The following PXYLP1 variants were observed in gnomAD, a reference collection of about 807,000 sequenced individuals.
PXYLP1 encodes acid phosphatase-like 2.
In PXYLP1, 17 loss-of-function variants were observed where a neutral mutation model predicts 37.9. The observed-to-expected ratio is 0.45, with a 90% CI of 0.31 to 0.67. The LOEUF (loss-of-function observed/expected upper bound fraction) is 0.67, where lower values mean the gene tolerates loss of function less well. PXYLP1 is among the 30% of genes least tolerant of loss of function. The pLI is 0.07. For missense variants in PXYLP1, 511 were observed against 612.0 expected, an observed-to-expected ratio of 0.84 and a Z score of 1.74; for synonymous variants, 221 against 232.2, an observed-to-expected ratio of 0.95 and a Z score of 0.44.
At chr3:141,252,592 G>A (rs1194192967) in intron 1 of PXYLP1, among the ~76,000 whole-genome samples, 9 of 152,176 alleles carry the variant, frequency 5.9e-5, no homozygotes, top group African/African-American at 2.2e-4. Context: ...ATTCATGCGG[G>A]AACCACTGCC....
intron 1 of PXYLP1, among the ~76,000 whole-genome samples, chr3:141,252,774 C>T (rs530230448): frequency 9.8e-5 from 15 of 152,298 alleles, no homozygotes; most frequent in African/African-American, 3.6e-4. Flanking sequence ...ATGACAGTGA[C>T]GCAGGTCAAA....
intron 1 of PXYLP1, among the ~76,000 whole-genome samples, chr3:141,243,557 C>T (rs1054904186): frequency 4.6e-5 from 7 of 152,244 alleles, no homozygotes; most frequent in African/African-American, 1.7e-4. Context: ...CACTGACATC[C>T]TCCCTGCCTT....
rs1400295458 is a variant in PXYLP1, at chr3:141,292,241, G to A, written c.506-27G>A. On this transcript the variant is annotated intron_variant, in intron 5 of 5. Coordinates refer to ENST00000286353, the MANE Select transcript of PXYLP1 (RefSeq NM_001037172.3). The surrounding 1 kb of genome is among the most constrained non-coding windows in gnomAD (Gnocchi z 4.3). ...GTTTCTTTTGCTCAGCTGGAAGTAA[G>A]GTAAGCTTTGTGTGCTTGTGTTTCA... 3 of 1,554,374 alleles carry A rather than the reference G, an allele frequency of 1.9e-6. No individual in the cohort carries two copies. Among genetic ancestry groups the A allele is most frequent in the African/African-American group, 2.7e-5 (2 of 73,112 alleles).
At chr3:141,262,273 A>T (rs565684502) in intron 2 of PXYLP1, 1 of 992,408 alleles carries the variant, frequency 1.0e-6, no homozygotes, top group Non-Finnish European at 1.2e-6. Flanking sequence ...GAAGGTGGGC[A>T]TCAGAAGTTT....
chr3:141,238,456 G>A (rs966859615), intron 1 of PXYLP1, among the ~76,000 whole-genome samples: 2 of 152,176 alleles, frequency 1.3e-5, no homozygotes, highest in Non-Finnish European at 2.9e-5. Flanking sequence ...TCTCTGCCTC[G>A]TTTGAGCGTG....
chr3:141,261,348 A>C (rs905220126), intron 2 of PXYLP1, among the ~76,000 whole-genome samples: 6 of 152,188 alleles, frequency 3.9e-5, no homozygotes, highest in African/African-American at 1.4e-4. Context: ...GCGACAGGGC[A>C]GGGTTTCACC....
intron 1 of PXYLP1, among the ~76,000 whole-genome samples, chr3:141,239,604 C>G (rs560311873): frequency 6.6e-6 from 1 of 152,344 alleles, no homozygotes; most frequent in Admixed American, 6.5e-5. Context: ...AACGACTCTA[C>G]TTACACTAAG....
At chr3:141,277,667 C>T (rs896397835) in intron 2 of PXYLP1, among the ~76,000 whole-genome samples, 1 of 152,222 alleles carries the variant, frequency 6.6e-6, no homozygotes, top group African/African-American at 2.4e-5. Context: ...ACAGTCCAGC[C>T]TGACCACACG....
At chr3:141,253,883 T>C (rs960723601) in intron 1 of PXYLP1, among the ~76,000 whole-genome samples, 1 of 147,806 alleles carries the variant, frequency 6.8e-6, no homozygotes, top group Admixed American at 6.8e-5. Context: ...ATATGTATAT[T>C]ATATATAATA....
intron 1 of PXYLP1, among the ~76,000 whole-genome samples, chr3:141,248,503 ATATATATATACACACACACACACG>A: frequency 7.8e-6 from 1 of 128,664 alleles, no homozygotes; most frequent in South Asian, 2.3e-4. Flanking sequence ...GTGTGTATAT[ATATATATATACACACACACACACG>A]TATATATATA....
rs568109783 is a variant in PXYLP1, at chr3:141,248,986, A to G, written c.-53-11137A>G. Among the ~76,000 whole-genome samples, 6 of 151,996 alleles carry G rather than the reference A, an allele frequency of 3.9e-5. No individual in the cohort carries two copies. In the South Asian group the frequency reaches 8.3e-4, roughly 21 times the overall value. On this transcript the variant is annotated intron_variant, in intron 1 of 5. Coordinates refer to ENST00000286353, the MANE Select transcript of PXYLP1 (RefSeq NM_001037172.3). ...GGATCTCAGCACGTGGAGGGCTCCG[A>G]AAGGTCACCCACATCAGCCCCTCTG...
At position 141,294,924 on chromosome 3, in the gene PXYLP1, A is replaced by G. The variant is rs1469577085; in HGVS notation, c.*1719A>G. The G allele has an allele frequency of 1.3e-5, 2 of 152,372 alleles. No homozygotes were observed. Among genetic ancestry groups the G allele is most frequent in the African/African-American group, 4.8e-5 (2 of 41,586 alleles). The allele number at this position is 152,372 out of a possible 1,614,324, so 9.4% of individuals were successfully genotyped here. On this transcript the variant is annotated 3_prime_UTR_variant, in exon 6 of 6. Transcript: ENST00000286353. ...ACTCGGAAGATTTTTTAAAAAATCA[A>G]TTGATAGTATCTGTTGGTAAAAGTA...
chr3:141,248,239 G>A (rs1180811271), intron 1 of PXYLP1, among the ~76,000 whole-genome samples: 1 of 151,842 alleles, frequency 6.6e-6, no homozygotes, highest in Non-Finnish European at 1.5e-5. Context: ...CACCATGTTG[G>A]TTAGGCTGGT....
At chr3:141,278,836 T>A (rs1340323475) in intron 3 of PXYLP1, among the ~76,000 whole-genome samples, 1 of 152,234 alleles carries the variant, frequency 6.6e-6, no homozygotes. Context: ...GTGCAGCACA[T>A]TGAGACACTC....
At chr3:141,258,625 G>A (rs1370601463) in intron 1 of PXYLP1, 1 of 159,046 alleles carries the variant, frequency 6.3e-6, no homozygotes, top group Non-Finnish European at 1.4e-5. Flanking sequence ...CAACAAAGCT[G>A]TCTGGGCCAG....
chr3:141,233,340 C>G (rs1940577333), intron 1 of PXYLP1, among the ~76,000 whole-genome samples: 1 of 152,008 alleles, frequency 6.6e-6, no homozygotes, highest in South Asian at 2.1e-4. Context: ...TGGTGCATAC[C>G]TGTAATCCCA....
At chr3:141,282,483 AACACACACAC>A (rs3069374) in intron 4 of PXYLP1, among the ~76,000 whole-genome samples, 15 of 147,524 alleles carry the variant, frequency 1.0e-4, no homozygotes, top group Non-Finnish European at 1.5e-4. Flanking sequence ...AACCCAGACA[AACACACACAC>A]ACACACACAC....
chr3:141,266,832 G>C (rs72982520), intron 2 of PXYLP1, among the ~76,000 whole-genome samples: 33,869 of 151,980 alleles, frequency 0.22, 4,928 homozygotes, highest in African/African-American at 0.42. Flanking sequence ...CCCTTTTTCT[G>C]TGCTGCTTTC....
At chr3:141,242,801 T>C (rs1261890915) in intron 1 of PXYLP1, among the ~76,000 whole-genome samples, 1 of 152,210 alleles carries the variant, frequency 6.6e-6, no homozygotes, top group East Asian at 1.9e-4. Flanking sequence ...GGATCTCATC[T>C]AATCCCCTCC....
Sources: allele counts gnomAD v4.1 joint callset (sites outside exome capture counted in the v4.1 genomes callset), GRCh38; gene constraint gnomAD v4.1.1; non-coding constraint Gnocchi (gnomAD v3.1); transcripts MANE v1.5; gene names NCBI Gene and HGNC (gene_info 2026-07-23, HGNC 2026-07-21).